SEMA6B: variants seen among roughly 807,000 people sequenced by gnomAD.
SEMA6B encodes semaphorin-6B.
SEMA6B carries 47 observed loss-of-function variants against 78.6 expected under a neutral mutation model. The ratio of observed to expected loss-of-function variants is 0.60; its 90% confidence interval spans 0.47 to 0.76. The LOEUF (loss-of-function observed/expected upper bound fraction) is 0.76. SEMA6B is among the 30% of genes least tolerant of loss of function. The pLI is 0.00. For synonymous variants in SEMA6B, 632 were observed against 592.2 expected, an observed-to-expected ratio of 1.07 and a Z score of -0.98; for missense variants, 1,213 against 1,269.9, an observed-to-expected ratio of 0.96 and a Z score of 0.68.
In SEMA6B at chr19:4,557,034, T is replaced by C. The variant is rs1000413661; in HGVS notation, c.307-21A>G. On this transcript the variant is annotated intron_variant, in intron 4 of 16. Transcript: ENST00000586582. ...AGCTTCTGCAGACAGAGAGAGCTGG[T>C]GAGGGGGTAACGGGTCCCAGCAGCC... 1.9e-6 allele frequency: 3 copies of C among 1,610,964 alleles called. No homozygotes were observed. In the Admixed American group the frequency reaches 5.0e-5, roughly 27 times the overall value.
rs1977433296 is a variant in SEMA6B, at chr19:4,555,114, G to A, written c.563-19C>T. ...ATCCCGTCTGGATGGGGTGGGTGGGGAAGGCAGGCAAGAGATGAGACCGCA... is the reference window on the plus strand; with the variant it reads ...ATCCCGTCTGGATGGGGTGGGTGGGAAAGGCAGGCAAGAGATGAGACCGCA... On this transcript the variant is annotated intron_variant, in intron 7 of 16. Transcript: ENST00000586582. The surrounding 1 kb of genome is among the most constrained non-coding windows in gnomAD (Gnocchi z 6.1). The A allele has an allele frequency of 6.2e-7, 1 of 1,612,988 alleles. No individual in the cohort carries two copies. The highest frequency in any genetic ancestry group is 8.5e-7 in the Non-Finnish European group (1 of 1,179,778).
At chr19:4,551,636 C>G (rs767717166) in intron 10 of SEMA6B, among the ~76,000 whole-genome samples, 10 of 151,456 alleles carry the variant, frequency 6.6e-5, no homozygotes, top group Non-Finnish European at 8.8e-5. Context: ...TTGAGTCCAG[C>G]CTGACCAAAA....
chr19:4,559,145 GA>G (rs1977552586), intron 1 of SEMA6B, among the ~76,000 whole-genome samples: 1 of 139,670 alleles, frequency 7.2e-6, no homozygotes, highest in African/African-American at 2.7e-5. Context: ...AGTGAGCCAA[GA>G]TCGCACCACT....
At position 4,550,668 on chromosome 19, in the gene SEMA6B, T is replaced by C. The variant is rs1977305341; in HGVS notation, c.1121+131A>G. 5.8e-6 allele frequency: 7 copies of C among 1,204,526 alleles called. No homozygotes were observed. The highest frequency in any genetic ancestry group is 6.9e-6 in the Non-Finnish European group (6 of 865,072). The allele number at this position is 1,204,526 out of a possible 1,614,324, so 74.6% of individuals were successfully genotyped here. A position where few individuals can be genotyped will look rare whatever the true frequency, so the allele number is the denominator to read the frequency against. On this transcript the variant is annotated intron_variant, in intron 11 of 16. Coordinates refer to ENST00000586582, the MANE Select transcript of SEMA6B (RefSeq NM_032108.4). The surrounding 1 kb of genome is among the most constrained non-coding windows in gnomAD (Gnocchi z 6.6). ...CGTGAGCCACCACACCAGGCCTCAG[T>C]TTTTCCCAACTGTATAACGGGTACA... is the stretch of plus-strand genomic sequence containing the variant.
Position 4,558,512 on chromosome 19 carries a change from T to C in SEMA6B, c.-32-23A>G. The C allele has an allele frequency of 8.1e-7, 1 of 1,233,378 alleles. No homozygotes were observed. Among genetic ancestry groups the C allele is most frequent in the Non-Finnish European group, 1.0e-6 (1 of 987,288 alleles). 76.4% of individuals were successfully genotyped at this position (1,233,378 alleles called of 1,614,324 possible). ...CGCCTGCGGGCAAGGGGCGGCGAGG[T>C]GAGCGGCCTGCAGTCCCGCTCGTGG... On this transcript the variant is annotated intron_variant, in intron 1 of 16. Transcript: ENST00000586582. The surrounding 1 kb of genome is among the most constrained non-coding windows in gnomAD (Gnocchi z 5.1).
rs1356770975 is a variant in SEMA6B at position 4,558,507 on chromosome 19, C to T, written c.-32-18G>A. The T allele has an allele frequency of 8.1e-7, 1 of 1,233,994 alleles. No individual in the cohort carries two copies. Among genetic ancestry groups the T allele is most frequent in the Non-Finnish European group, 1.0e-6 (1 of 987,572 alleles). 76.4% of individuals were successfully genotyped at this position (1,233,994 alleles called of 1,614,324 possible). On this transcript the variant is annotated intron_variant, in intron 1 of 16. Coordinates refer to ENST00000586582, the MANE Select transcript of SEMA6B (RefSeq NM_032108.4). The surrounding 1 kb of genome is among the most constrained non-coding windows in gnomAD (Gnocchi z 5.1). ...GGTGACGCCTGCGGGCAAGGGGCGG[C>T]GAGGTGAGCGGCCTGCAGTCCCGCT...
Position 4,552,754 on chromosome 19 carries a change from G to T in SEMA6B, c.772-115C>A. ...ATGGAGGAGTCTGACCCTGGCTCTG[G>T]TGGGACCCCGGCCAGTCACCGTTCC... On this transcript the variant is annotated intron_variant, in intron 9 of 16. Coordinates refer to ENST00000586582, the MANE Select transcript of SEMA6B (RefSeq NM_032108.4). This position sits in a 1 kb window ranked among gnomAD's most constrained non-coding sequence, Gnocchi z 7.4. 1.0e-6 allele frequency: 1 copy of T among 990,288 alleles called. No individual in the cohort carries two copies. The highest frequency in any genetic ancestry group is 1.5e-6 in the Non-Finnish European group (1 of 688,786). The allele number at this position is 990,288 out of a possible 1,614,324, so 61.3% of individuals were successfully genotyped here.
chr19:4,550,076 A>G lies in SEMA6B; in HGVS notation c.1271+47T>C. The G allele has an allele frequency of 6.3e-7, 1 of 1,595,514 alleles. No individual in the cohort carries two copies. The highest frequency in any genetic ancestry group is 1.1e-5 in the South Asian group (1 of 89,868). ...ATCTGGATCCTCTCACCCTCCATCT[A>G]CCCCATCCTGTCTCCCCTCGCCATG... On this transcript the variant is annotated intron_variant, in intron 12 of 16. Transcript: ENST00000586582. The surrounding 1 kb of genome is among the most constrained non-coding windows in gnomAD (Gnocchi z 6.6).
chr19:4,548,772 ATTCTC>A, intron 12 of SEMA6B, among the ~76,000 whole-genome samples: 1 of 152,258 alleles, frequency 6.6e-6, no homozygotes, highest in Non-Finnish European at 1.5e-5. Flanking sequence ...GGTTCAAGCA[ATTCTC>A]TTGCCTCAGC....
intron 3 of SEMA6B, 116 bp from the exon 4 acceptor site, chr19:4,557,339 C>T: frequency 2.8e-6 from 2 of 706,656 alleles, no homozygotes; most frequent in Non-Finnish European, 4.7e-6. Context: ...GCCAATGCCT[C>T]TGACACGAGC....
rs543034324 is a variant in SEMA6B, at chr19:4,548,600, C to T, written c.1272-155G>A. On this transcript the variant is annotated intron_variant, in intron 12 of 16. Coordinates refer to ENST00000586582, the MANE Select transcript of SEMA6B (RefSeq NM_032108.4). ...TGTGTGCATGGATGCCGGGGACATG[C>T]GTGACTACACAGGCACGTGGGCACA... 5.3e-5 allele frequency among the ~76,000 whole-genome samples: 8 copies of T among 152,326 alleles called. No individual in the cohort carries two copies. The South Asian group carries it at 6.2e-4, about 12-fold the overall frequency.
At position 4,543,387 on chromosome 19, in the gene SEMA6B, C is replaced by A; in HGVS notation, c.*214G>T. 2.5e-6 allele frequency: 1 copy of A among 397,202 alleles called. No individual in the cohort carries two copies. Among genetic ancestry groups the A allele is most frequent in the Middle Eastern group, 6.3e-4 (1 of 1,582 alleles). The allele number at this position is 397,202 out of a possible 1,614,324, so 24.6% of individuals were successfully genotyped here. On this transcript the variant is annotated 3_prime_UTR_variant, in exon 17 of 17. Coordinates refer to ENST00000586582, the MANE Select transcript of SEMA6B (RefSeq NM_032108.4). ...ATAGCAAAGTCCTCCCGCCCACCCA[C>A]CCCCAAACCGTCTCAGCGTCCTGCG...
In SEMA6B at chr19:4,544,182, G is replaced by A; in HGVS notation, c.2086C>T (p.Gln696Ter). Residue 696 changes from glutamine (Q) to a stop codon, truncating the protein, a stop_gained, in exon 17 of 17, where the codon CAG (glutamine) becomes TAG (stop). Transcript: ENST00000586582. LOFTEE classifies it high-confidence loss of function. This position sits in a 1 kb window ranked among gnomAD's most constrained non-coding sequence, Gnocchi z 5.1. ...QNGWAKATLL[Q>*]GGPHDLDSGL... ...GAGTCCAGGTCGTGGGGCCCGCCCT[G>A]CAGCAGCGTGGCCTTGGCCCAGCCG... 1 of 1,270,058 alleles carries A rather than the reference G, an allele frequency of 7.9e-7. No homozygotes were observed. Among genetic ancestry groups the A allele is most frequent in the Non-Finnish European group, 9.9e-7 (1 of 1,009,840 alleles). 78.7% of individuals were successfully genotyped at this position (1,270,058 alleles called of 1,614,324 possible).
chr19:4,556,115 G>A (rs1977462720), intron 5 of SEMA6B, 26 bp from the exon 6 acceptor site: 2 of 1,541,674 alleles, frequency 1.3e-6, no homozygotes. Flanking sequence ...GAGGAAGCGG[G>A]GAGCGCGATG....
chr19:4,550,311 G>C lies in SEMA6B; in HGVS notation c.1122-39C>G, dbSNP rs770299513. On this transcript the variant is annotated intron_variant, in intron 11 of 16. Coordinates refer to ENST00000586582, the MANE Select transcript of SEMA6B (RefSeq NM_032108.4). The surrounding 1 kb of genome is among the most constrained non-coding windows in gnomAD (Gnocchi z 6.6). ...GGGTGTGGTCAGGACGAACGTAAAG[G>C]TTCTCATAAAGGGGCCTGATTCACC... 1.9e-6 allele frequency: 3 copies of C among 1,608,828 alleles called. No individual in the cohort carries two copies. The South Asian group carries it at 3.3e-5, about 18-fold the overall frequency.
chr19:4,557,217 G>T lies in SEMA6B; in HGVS notation c.252C>A (p.Asn84Lys). Residue 84 changes from asparagine (N) to lysine (K), a missense_variant, in exon 4 of 17, where the codon AAC (asparagine) becomes AAA (lysine). Physicochemically the swap from Asn to Lys is moderately conservative, Grantham distance 94 (BLOSUM62 0). Coordinates refer to ENST00000586582, the MANE Select transcript of SEMA6B (RefSeq NM_032108.4). ...NRTLFIGDRD[N>K]LYRVELEPPT... ...GGGGCTCCAGCTCTACGCGGTAGAGGTTGTCCCTGGGGGAGGGGCATAGTT... is the reference window on the plus strand; with the variant it reads ...GGGGCTCCAGCTCTACGCGGTAGAGTTTGTCCCTGGGGGAGGGGCATAGTT... 1.3e-6 allele frequency: 2 copies of T among 1,582,862 alleles called. No homozygotes were observed. The highest frequency in any genetic ancestry group is 1.7e-6 in the Non-Finnish European group (2 of 1,164,794).
intron 14 of SEMA6B, among the ~76,000 whole-genome samples, chr19:4,547,688 C>T (rs891978010): frequency 1.3e-5 from 2 of 152,200 alleles, no homozygotes; most frequent in African/African-American, 4.8e-5. Context: ...CCTCTGCCTG[C>T]AACCCTACAT....
chr19:4,549,709 GC>G (rs1428861438), intron 12 of SEMA6B, among the ~76,000 whole-genome samples: 1 of 152,046 alleles, frequency 6.6e-6, no homozygotes, highest in African/African-American at 2.4e-5. Context: ...CCATCTCCTG[GC>G]CTCGTGATCC....
intron 16 of SEMA6B, among the ~76,000 whole-genome samples, chr19:4,545,011 A>T (rs1405100454): frequency 6.6e-6 from 1 of 151,968 alleles, no homozygotes; most frequent in East Asian, 1.9e-4. Context: ...GGTAAAGCTC[A>T]CTGCAACCCT....
Sources: allele counts gnomAD v4.1 joint callset (sites outside exome capture counted in the v4.1 genomes callset), GRCh38; gene constraint gnomAD v4.1.1; non-coding constraint Gnocchi (gnomAD v3.1); transcripts MANE v1.5; gene names NCBI Gene and HGNC (gene_info 2026-07-23, HGNC 2026-07-21).